Variants in CTNNA1 observed in about 807,000 individuals in gnomAD.
CTNNA1 encodes catenin alpha 1.
A neutral mutation model predicts 98.4 loss-of-function variants in CTNNA1; 37 were observed. That is an observed-to-expected ratio of 0.38 (90% confidence interval 0.29 to 0.49). CTNNA1 has a LOEUF of 0.49. CTNNA1 is among the 20% of genes least tolerant of loss of function. The pLI is 0.95. For missense variants in CTNNA1, 761 were observed against 1,147.2 expected (o/e 0.66, Z 4.86); for synonymous variants, 404 against 413.2 (o/e 0.98, Z 0.27).
chr5:138,845,086 G>A (rs1049783311), intron 7 of CTNNA1, among the ~76,000 whole-genome samples: 4 of 152,122 alleles, frequency 2.6e-5, no homozygotes, highest in African/African-American at 7.2e-5. Flanking sequence ...TGAGCAATAC[G>A]GGGCTTGTGG....
chr5:138,934,141 C>T lies in CTNNA1; in HGVS notation c.*52C>T. The T allele has an allele frequency of 5.1e-6, 7 of 1,369,372 alleles. No homozygotes were observed. The highest frequency in any genetic ancestry group is 6.1e-6 in the Non-Finnish European group (6 of 983,058). The allele number at this position is 1,369,372 out of a possible 1,614,324, so 84.8% of individuals were successfully genotyped here. On this transcript the variant is annotated 3_prime_UTR_variant, in exon 18 of 18. Transcript: ENST00000302763. ...CCTCGGGGCTCCTGAATATCAGTCA[C>T]TGTTCGTCACTCAAATGAATTTGCT...
intron 7 of CTNNA1, among the ~76,000 whole-genome samples, chr5:138,860,967 C>G (rs1265127084): frequency 6.6e-6 from 1 of 152,086 alleles, no homozygotes; most frequent in African/African-American, 2.4e-5. Flanking sequence ...TTTTTTTCCT[C>G]CTGGTAAATT....
In CTNNA1 at chr5:138,934,638, G is replaced by T. The variant is rs1766155103; in HGVS notation, c.*549G>T. ...AAACTGATTCTCTATGACATGAAAT[G>T]AAAATTTTAATGCATTGTTATAATT... On this transcript the variant is annotated 3_prime_UTR_variant, in exon 18 of 18. Coordinates refer to ENST00000302763, the MANE Select transcript of CTNNA1 (RefSeq NM_001903.5). 2 of 153,188 alleles carry T rather than the reference G, an allele frequency of 1.3e-5. No individual in the cohort carries two copies. Among genetic ancestry groups the T allele is most frequent in the Non-Finnish European group, 1.5e-5 (1 of 68,534 alleles). 9.5% of individuals were successfully genotyped at this position (153,188 alleles called of 1,614,324 possible).
intron 7 of CTNNA1, among the ~76,000 whole-genome samples, chr5:138,857,149 A>G (rs764747112): frequency 6.6e-6 from 1 of 152,104 alleles, no homozygotes; most frequent in African/African-American, 2.4e-5. Context: ...GCCTTTTTCT[A>G]ATAGTGGAAG....
intron 1 of CTNNA1, among the ~76,000 whole-genome samples, chr5:138,763,250 C>T (rs758301692): frequency 1.3e-5 from 2 of 152,192 alleles, no homozygotes; most frequent in African/African-American, 2.4e-5. Context: ...ACTCAGAAAA[C>T]ACATTCACTA....
intron 3 of CTNNA1, among the ~76,000 whole-genome samples, chr5:138,784,480 A>G (rs183608819): frequency 6.6e-6 from 1 of 152,232 alleles, no homozygotes; most frequent in Admixed American, 6.5e-5. Context: ...GAATTTGTGA[A>G]CAAATAACCT....
At chr5:138,775,231 A>G (rs995616748) in intron 1 of CTNNA1, among the ~76,000 whole-genome samples, 2 of 152,152 alleles carry the variant, frequency 1.3e-5, no homozygotes, top group African/African-American at 4.8e-5. Context: ...CATAGGGCAA[A>G]TAGTTCTTCT....
At chr5:138,810,280 C>A (rs1758544438) in intron 4 of CTNNA1, 76 bp downstream of exon 4, 1 of 1,506,034 alleles carries the variant, frequency 6.6e-7, no homozygotes, top group African/African-American at 1.4e-5. Context: ...GTTCAGTATT[C>A]CTTAGGATTT....
chr5:138,811,692 G>A (rs1161098809), intron 4 of CTNNA1, among the ~76,000 whole-genome samples: 1 of 152,028 alleles, frequency 6.6e-6, no homozygotes, highest in African/African-American at 2.4e-5. Flanking sequence ...GAGGCTGGCG[G>A]ATCACTCGCG....
chr5:138,834,078 GTTA>G (rs1761544981), intron 7 of CTNNA1, among the ~76,000 whole-genome samples: 2 of 152,166 alleles, frequency 1.3e-5, no homozygotes, highest in African/African-American at 4.8e-5. Context: ...AAGATATATT[GTTA>G]TTATAGTGAA....
chr5:138,761,079 T>C (rs947712879), intron 1 of CTNNA1, among the ~76,000 whole-genome samples: 15 of 152,228 alleles, frequency 9.9e-5, no homozygotes, highest in African/African-American at 3.1e-4. Context: ...CGTCAGCCTC[T>C]TCAGAAGTTG....
intron 10 of CTNNA1, among the ~76,000 whole-genome samples, chr5:138,907,723 A>G (rs578066139): frequency 6.6e-6 from 1 of 152,284 alleles, no homozygotes; most frequent in East Asian, 1.9e-4. Context: ...GTAGCCAAAC[A>G]TTTATTATTT....
chr5:138,794,862 CAG>C (rs1464314801), intron 3 of CTNNA1, among the ~76,000 whole-genome samples: 1 of 152,114 alleles, frequency 6.6e-6, no homozygotes, highest in Non-Finnish European at 1.5e-5. Flanking sequence ...GGTGGAATAA[CAG>C]ATGAAAATAG....
At chr5:138,917,352 T>G (rs1268313306) in intron 10 of CTNNA1, among the ~76,000 whole-genome samples, 1 of 152,232 alleles carries the variant, frequency 6.6e-6, no homozygotes, top group Admixed American at 6.5e-5. Context: ...AAACATATAT[T>G]TAATGATATG....
intron 10 of CTNNA1, among the ~76,000 whole-genome samples, chr5:138,909,428 G>A (rs966985467): frequency 6.7e-6 from 1 of 148,958 alleles, no homozygotes; most frequent in African/African-American, 2.5e-5. Flanking sequence ...GTGCCATCAT[G>A]AATCACTGCA....
rs1474594608 is a variant in CTNNA1 at position 138,917,795 on chromosome 5, A to G, written c.1443A>G (p.Gln481=). 6.2e-7 allele frequency: 1 copy of G among 1,614,222 alleles called. No individual in the cohort carries two copies. The change falls in exon 11 of 18, where the codon CAA becomes CAG. Residue 481 remains glutamine, a synonymous_variant. Coordinates refer to ENST00000302763, the MANE Select transcript of CTNNA1 (RefSeq NM_001903.5). ...CAAAACCACAGAGTAAACTGGCCCA[A>G]GAGAACATGGATCTTTTTAAAGAAC... ...LAAKPQSKLA[Q]ENMDLFKEQW... is the part of the protein sequence containing the mutation.
chr5:138,806,640 GT>G (rs1335684896), intron 3 of CTNNA1, among the ~76,000 whole-genome samples: 6 of 151,904 alleles, frequency 3.9e-5, no homozygotes, highest in African/African-American at 1.5e-4. Context: ...ATTGAATTCT[GT>G]TTGTCTCTGG....
chr5:138,880,979 G>A (rs954050825), intron 7 of CTNNA1: 7 of 441,898 alleles, frequency 1.6e-5, no homozygotes, highest in Non-Finnish European at 2.7e-5. Context: ...TTAATGCAAA[G>A]AAAATTCATA....
chr5:138,894,612 ATC>A (rs1226497662), intron 9 of CTNNA1, among the ~76,000 whole-genome samples: 1 of 151,988 alleles, frequency 6.6e-6, no homozygotes, highest in Non-Finnish European at 1.5e-5. Context: ...CTGCACTGCC[ATC>A]TCTCACTGGG....
Sources: allele counts gnomAD v4.1 joint callset (sites outside exome capture counted in the v4.1 genomes callset), GRCh38; gene constraint gnomAD v4.1.1; transcripts MANE v1.5; gene names NCBI Gene and HGNC (gene_info 2026-07-23, HGNC 2026-07-21).